Variants in TRIM13 observed in about 807,000 individuals in gnomAD.
TRIM13 encodes E3 ubiquitin-protein ligase TRIM13.
A neutral mutation model predicts 27.1 loss-of-function variants in TRIM13; 15 were observed. The ratio of observed to expected loss-of-function variants is 0.55; its 90% CI spans 0.37 to 0.85. TRIM13 has a LOEUF of 0.85. TRIM13 is among the 40% of genes least tolerant of loss of function. TRIM13 has a pLI of 0.00. For missense variants in TRIM13, 402 were observed against 472.2 expected (o/e 0.85, Z 1.38); for synonymous variants, 193 against 171.5 (o/e 1.13, Z -0.98).
chr13:50,015,271 T>G lies in TRIM13; in HGVS notation c.*2107T>G, dbSNP rs150615887. 9.2e-6 allele frequency: 4 copies of G among 432,914 alleles called. No individual in the cohort carries two copies. The East Asian group carries it at 1.1e-4, about 12-fold the overall frequency. The allele number at this position is 432,914 out of a possible 1,614,324, so 26.8% of individuals were successfully genotyped here. ...AGCTATTTAGTTCCTCATCTGTTGC[T>G]TTTTCATTTTGTATACTGCAAGTTC... is the stretch of plus-strand genomic sequence containing the variant. On this transcript the variant is annotated 3_prime_UTR_variant, in exon 2 of 2. Coordinates refer to ENST00000378182, the MANE Select transcript of TRIM13 (RefSeq NM_213590.3).
chr13:50,001,560 A>G (rs1486001199), intron 1 of TRIM13, among the ~76,000 whole-genome samples: 1 of 152,182 alleles, frequency 6.6e-6, no homozygotes, highest in Admixed American at 6.6e-5. Context: ...AATTTTAACT[A>G]CTGTTTATTC....
Position 50,013,472 on chromosome 13 carries a change from T to G in TRIM13, c.*308T>G, listed in dbSNP as rs1315263885. On this transcript the variant is annotated 3_prime_UTR_variant, in exon 2 of 2. Transcript: ENST00000378182. ...ATCTAATATTGTATTGATGGAAGTA[T>G]AGGTAGTATAGTAGTGATTGTTCTT... The G allele has an allele frequency of 9.4e-6, 2 of 213,030 alleles. No homozygotes were observed. Among genetic ancestry groups the G allele is most frequent in the Non-Finnish European group, 2.0e-5 (2 of 98,186 alleles). 13.2% of individuals were successfully genotyped at this position (213,030 alleles called of 1,614,324 possible). A position where few individuals can be genotyped will look rare whatever the true frequency, so the allele number is the denominator to read the frequency against.
Position 50,015,112 on chromosome 13 carries a change from T to A in TRIM13, c.*1948T>A, listed in dbSNP as rs1339457502. 1.4e-3 allele frequency: 17 copies of A among 11,884 alleles called. No individual in the cohort carries two copies. Among genetic ancestry groups the A allele is most frequent in the African/African-American group, 3.7e-3 (16 of 4,278 alleles). 0.7% of individuals were successfully genotyped at this position (11,884 alleles called of 1,614,324 possible). A position where few individuals can be genotyped will look rare whatever the true frequency, so the allele number is the denominator to read the frequency against. ...AAAAAAAAATATATATATATATATA[T>A]ATATATATATATATATATATATATA... On this transcript the variant is annotated 3_prime_UTR_variant, in exon 2 of 2. Transcript: ENST00000378182.
rs879170111 is a variant in TRIM13, at chr13:50,014,360, T to TATATATATATATATATATATATGTACAC, written c.*1197_*1198insTATATATATATATATATATATGTACACA. ...AAAAAAAAAAATATATATATATATA[T>TATATATATATATATATATATATGTACAC]ACACACACACACACACATATGTACA... On this transcript the variant is annotated 3_prime_UTR_variant, in exon 2 of 2. Transcript: ENST00000378182. 19 of 58,550 alleles carry TATATATATATATATATATATATGTACAC rather than the reference T, an allele frequency of 3.2e-4. No homozygotes were observed. Among genetic ancestry groups the TATATATATATATATATATATATGTACAC allele is most frequent in the African/African-American group, 1.4e-3 (19 of 13,980 alleles). The allele number at this position is 58,550 out of a possible 1,614,324, so 3.6% of individuals were successfully genotyped here. A position where few individuals can be genotyped will look rare whatever the true frequency, so the allele number is the denominator to read the frequency against.
intron 1 of TRIM13, among the ~76,000 whole-genome samples, chr13:50,009,867 T>C (rs532621825): frequency 1.3e-5 from 2 of 152,022 alleles, no homozygotes; most frequent in East Asian, 3.9e-4. Context: ...ATTTCAAGGC[T>C]GCAGTGAGCT....
chr13:49,999,067 A>C (rs1246323711), intron 1 of TRIM13, among the ~76,000 whole-genome samples: 9 of 151,948 alleles, frequency 5.9e-5, no homozygotes, highest in Non-Finnish European at 2.9e-5. Flanking sequence ...TACATTCAAT[A>C]TGGGGTTTCT....
intron 1 of TRIM13, among the ~76,000 whole-genome samples, chr13:50,009,020 C>CA (rs35407149): frequency 0.34 from 23,089 of 67,584 alleles, 3,182 homozygotes; most frequent in East Asian, 0.46. Context: ...AAAGCTGTCT[C>CA]AAAAAAAAAA....
chr13:50,015,190 G>A lies in TRIM13; in HGVS notation c.*2026G>A, dbSNP rs1876381076. ...TTCATGGATAAGTTTTTAAATGTAAGACAGGAAAGGGATCTATTTGATGTC... is the reference window on the plus strand; with the variant it reads ...TTCATGGATAAGTTTTTAAATGTAAAACAGGAAAGGGATCTATTTGATGTC... On this transcript the variant is annotated 3_prime_UTR_variant, in exon 2 of 2. Transcript: ENST00000378182. 6.2e-6 allele frequency: 1 copy of A among 160,864 alleles called. No homozygotes were observed. Among genetic ancestry groups the A allele is most frequent in the Non-Finnish European group, 1.4e-5 (1 of 72,292 alleles). The allele number at this position is 160,864 out of a possible 1,614,324, so 10.0% of individuals were successfully genotyped here. A position where few individuals can be genotyped will look rare whatever the true frequency, so the allele number is the denominator to read the frequency against.
At chr13:50,008,030 A>G (rs1223183771) in intron 1 of TRIM13, among the ~76,000 whole-genome samples, 16 of 151,114 alleles carry the variant, frequency 1.1e-4, no homozygotes, top group Non-Finnish European at 2.2e-4. Context: ...TCAGCCTCCC[A>G]AGTAGCTGGA....
In TRIM13 at chr13:50,015,079, A is replaced by T. The variant is rs1394231544; in HGVS notation, c.*1915A>T. ...ATGCTTTTCCCCTCCCAGTAATAAA[A>T]AAAAAAAAAAAAAAAATATATATAT... On this transcript the variant is annotated 3_prime_UTR_variant, in exon 2 of 2. Coordinates refer to ENST00000378182, the MANE Select transcript of TRIM13 (RefSeq NM_213590.3). 5.2e-4 allele frequency: 12 copies of T among 22,872 alleles called. No individual in the cohort carries two copies. The highest frequency in any genetic ancestry group is 3.7e-3 in the South Asian group (1 of 268). 1.4% of individuals were successfully genotyped at this position (22,872 alleles called of 1,614,324 possible). A position where few individuals can be genotyped will look rare whatever the true frequency, so the allele number is the denominator to read the frequency against.
At position 50,014,858 on chromosome 13, in the gene TRIM13, G is replaced by T. The variant is rs555220364; in HGVS notation, c.*1694G>T. ...TAATGAAAATGGGGACAGGATAAAA[G>T]GTGGCAACTAAATTTAAAGCACAGA... On this transcript the variant is annotated 3_prime_UTR_variant, in exon 2 of 2. Transcript: ENST00000378182. 1.2e-5 allele frequency: 2 copies of T among 166,210 alleles called. No homozygotes were observed. The highest frequency in any genetic ancestry group is 2.9e-5 in the Non-Finnish European group (2 of 67,980). The allele number at this position is 166,210 out of a possible 1,614,324, so 10.3% of individuals were successfully genotyped here. A position where few individuals can be genotyped will look rare whatever the true frequency, so the allele number is the denominator to read the frequency against.
rs773299374 is a variant in TRIM13 at position 50,012,312 on chromosome 13, C to G, written c.372C>G (p.Thr124=). The change falls in exon 2 of 2, where the codon ACC becomes ACG. Residue 124 remains threonine (T), a synonymous_variant. Transcript: ENST00000378182. ...TCTGTGCTACTCGTGGGGAGCACACCAAACATGTCTTCTGTTCTATTGAAG... is the reference window on the plus strand; with the variant it reads ...TCTGTGCTACTCGTGGGGAGCACACGAAACATGTCTTCTGTTCTATTGAAG... The part of the protein sequence containing the change: ...CGICATRGEH[T]KHVFCSIEDA... The G allele has an allele frequency of 1.4e-5, 23 of 1,614,114 alleles. No homozygotes were observed. The South Asian group carries it at 2.5e-4, about 18-fold the overall frequency.
At chr13:50,007,652 G>A (rs1874947225) in intron 1 of TRIM13, among the ~76,000 whole-genome samples, 1 of 142,662 alleles carries the variant, frequency 7.0e-6, no homozygotes, top group Non-Finnish European at 1.5e-5. Context: ...GTGGTGGCAG[G>A]TGCCTGTAAA....
intron 1 of TRIM13, among the ~76,000 whole-genome samples, chr13:50,000,458 A>G (rs1266378698): frequency 6.6e-6 from 1 of 152,196 alleles, no homozygotes; most frequent in East Asian, 1.9e-4. Context: ...TACCAAAAAA[A>G]CACAACAACC....
chr13:49,999,840 A>C (rs774601269), intron 1 of TRIM13, among the ~76,000 whole-genome samples: 1 of 152,200 alleles, frequency 6.6e-6, no homozygotes, highest in South Asian at 2.1e-4. Context: ...AAACCCCTTC[A>C]TTTTATGAAT....
At position 50,013,333 on chromosome 13, in the gene TRIM13, T is replaced by G. The variant is rs1384376323; in HGVS notation, c.*169T>G. The G allele has an allele frequency of 1.4e-6, 1 of 711,864 alleles. No individual in the cohort carries two copies. The highest frequency in any genetic ancestry group is 1.8e-5 in the African/African-American group (1 of 54,506). The allele number at this position is 711,864 out of a possible 1,614,324, so 44.1% of individuals were successfully genotyped here. ...GGTAGCATAAAGATAAAAGTGAAAT[T>G]TAGTAGTATAGGCCTGAACCTTTTT... On this transcript the variant is annotated 3_prime_UTR_variant, in exon 2 of 2. Coordinates refer to ENST00000378182, the MANE Select transcript of TRIM13 (RefSeq NM_213590.3).
At chr13:50,006,388 A>G (rs2138376502) in intron 1 of TRIM13, among the ~76,000 whole-genome samples, 1 of 151,962 alleles carries the variant, frequency 6.6e-6, no homozygotes, top group Middle Eastern at 3.2e-3. Flanking sequence ...ATCACTTGGT[A>G]TATTCTTTGT....
Position 50,016,318 on chromosome 13 carries a change from G to T in TRIM13, c.*3154G>T. On this transcript the variant is annotated 3_prime_UTR_variant, in exon 2 of 2. Coordinates refer to ENST00000378182, the MANE Select transcript of TRIM13 (RefSeq NM_213590.3). ...ATGAAGACTGCCCAGAAAAAACTGA[G>T]ACTATGGACATTCAAATCATGGGAG... is the stretch of plus-strand genomic sequence containing the variant. The T allele has an allele frequency of 2.4e-6, 1 of 408,946 alleles. No individual in the cohort carries two copies. Among genetic ancestry groups the T allele is most frequent in the Non-Finnish European group, 4.5e-6 (1 of 220,672 alleles). 25.3% of individuals were successfully genotyped at this position (408,946 alleles called of 1,614,324 possible). A position where few individuals can be genotyped will look rare whatever the true frequency, so the allele number is the denominator to read the frequency against.
At chr13:50,007,488 C>CAA (rs1469454855) in intron 1 of TRIM13, among the ~76,000 whole-genome samples, 16 of 64,346 alleles carry the variant, frequency 2.5e-4, no homozygotes, top group Admixed American at 3.5e-4. Context: ...GACTCTGTCT[C>CAA]AAAAAAAAAA....
Sources: gnomAD v4.1 joint callset for allele counts (sites outside exome capture counted in the v4.1 genomes callset) on GRCh38, gnomAD v4.1.1 for gene constraint, MANE v1.5 for transcripts, NCBI Gene and HGNC (gene_info 2026-07-23, HGNC 2026-07-21) for gene names.